The following FAM227B variants were observed in gnomAD, a reference collection of about 807,000 sequenced individuals.
FAM227B encodes the protein family with sequence similarity 227 member B, also known as protein FAM227B.
FAM227B carries 88 observed loss-of-function variants against 73.8 expected under a neutral mutation model. That is an observed-to-expected ratio of 1.19 (90% CI 1.00 to 1.42). The LOEUF (loss-of-function observed/expected upper bound fraction) is 1.42, where lower values mean the gene tolerates loss of function less well. Ranked by LOEUF, FAM227B falls within the 40% of genes most tolerant of loss-of-function variation. FAM227B has a pLI of 0.00. For synonymous variants in FAM227B, 210 were observed against 190.5 expected (o/e 1.10, Z -0.84); for missense variants, 632 against 590.9 (o/e 1.07, Z -0.72).
At chr15:49,605,589 T>A (rs1031609859) in intron 3 of FAM227B, among the ~76,000 whole-genome samples, 2 of 152,018 alleles carry the variant, frequency 1.3e-5, no homozygotes, top group African/African-American at 4.8e-5. Flanking sequence ...GGTTTGGCTT[T>A]AAGCCTAGGT....
chr15:49,549,249 C>T (rs967719444), intron 9 of FAM227B, among the ~76,000 whole-genome samples: 1 of 151,800 alleles, frequency 6.6e-6, no homozygotes, highest in Non-Finnish European at 1.5e-5. Flanking sequence ...TTCTTAATTT[C>T]TTCATGAGGA....
chr15:49,585,862 G>A (rs901482381), intron 5 of FAM227B, among the ~76,000 whole-genome samples: 1 of 151,378 alleles, frequency 6.6e-6, no homozygotes, highest in Non-Finnish European at 1.5e-5. Flanking sequence ...AAATTAAATT[G>A]AAAAGAAATC....
rs550085366 is a variant in FAM227B, at chr15:49,589,696, T to C, written c.337+80A>G. 25 of 885,560 alleles carry C rather than the reference T, an allele frequency of 2.8e-5. No homozygotes were observed. In the East Asian group the frequency reaches 6.3e-4, roughly 22 times the overall value. The allele number at this position is 885,560 out of a possible 1,614,324, so 54.9% of individuals were successfully genotyped here. ...TGGAGGGTGACTCAGGAGGATCACT[T>C]GAGGCCAAGATTTGGAGACCAGCCT... is the stretch of plus-strand genomic sequence containing the variant. On this transcript the variant is annotated intron_variant, in intron 4 of 15. Coordinates refer to ENST00000299338, the MANE Select transcript of FAM227B (RefSeq NM_152647.3).
At chr15:49,570,399 T>C (rs1490390576) in intron 8 of FAM227B, among the ~76,000 whole-genome samples, 1 of 151,892 alleles carries the variant, frequency 6.6e-6, no homozygotes, top group Non-Finnish European at 1.5e-5. Flanking sequence ...CCCTAACGAT[T>C]AGTGATGTTG....
At chr15:49,507,495 A>T (rs1043550667) in intron 11 of FAM227B, among the ~76,000 whole-genome samples, 6 of 152,138 alleles carry the variant, frequency 3.9e-5, no homozygotes, top group African/African-American at 1.4e-4. Context: ...TGATTTAACC[A>T]GTCAGACACG....
intron 11 of FAM227B, among the ~76,000 whole-genome samples, chr15:49,400,581 C>T (rs1486396728): frequency 1.3e-5 from 1 of 74,106 alleles, no homozygotes; most frequent in Non-Finnish European, 2.9e-5. Context: ...GGAGGCATCA[C>T]ACTACCTGAC....
chr15:49,342,238 T>C (rs1174078793), intron 13 of FAM227B, among the ~76,000 whole-genome samples: 1 of 152,236 alleles, frequency 6.6e-6, no homozygotes, highest in African/African-American at 2.4e-5. Flanking sequence ...ATATTTAGGA[T>C]AGTTAAGTTT....
At chr15:49,407,243 G>A (rs2048575281) in intron 11 of FAM227B, among the ~76,000 whole-genome samples, 1 of 152,184 alleles carries the variant, frequency 6.6e-6, no homozygotes, top group Non-Finnish European at 1.5e-5. Context: ...GTCTGTGGTG[G>A]TTTAGGAGTC....
chr15:49,517,668 T>C (rs2059469905), intron 10 of FAM227B, among the ~76,000 whole-genome samples: 1 of 152,308 alleles, frequency 6.6e-6, no homozygotes, highest in East Asian at 1.9e-4. Flanking sequence ...TCAACTTAAC[T>C]TTTTGTAAAT....
intron 8 of FAM227B, among the ~76,000 whole-genome samples, chr15:49,571,926 G>A (rs926143165): frequency 2.6e-5 from 4 of 151,840 alleles, no homozygotes; most frequent in African/African-American, 7.3e-5. Flanking sequence ...TGATTCTGTA[G>A]GTTGCTTTGG....
chr15:49,418,455 A>G (rs1003136354), intron 11 of FAM227B, among the ~76,000 whole-genome samples: 1 of 152,248 alleles, frequency 6.6e-6, no homozygotes, highest in African/African-American at 2.4e-5. Flanking sequence ...TGTGGTACAT[A>G]TAGACTATGG....
At chr15:49,411,028 G>C (rs924681432) in intron 11 of FAM227B, among the ~76,000 whole-genome samples, 14 of 150,730 alleles carry the variant, frequency 9.3e-5, no homozygotes, top group Admixed American at 8.0e-4. Context: ...CAGGGAGAGA[G>C]GGAGTGAAAG....
At chr15:49,330,468 G>A (rs2038458654) in intron 15 of FAM227B, 2 of 152,190 alleles carry the variant, frequency 1.3e-5, no homozygotes, top group Non-Finnish European at 2.9e-5. Flanking sequence ...GGATTACTGA[G>A]TGGTGGAATA....
intron 11 of FAM227B, among the ~76,000 whole-genome samples, chr15:49,452,250 A>T (rs1053130921): frequency 6.6e-6 from 1 of 151,980 alleles, no homozygotes; most frequent in Non-Finnish European, 1.5e-5. Flanking sequence ...CTGGGGTTTC[A>T]CTGTGTTGGC....
intron 2 of FAM227B, among the ~76,000 whole-genome samples, chr15:49,611,603 TA>T (rs1204434580): frequency 6.6e-6 from 1 of 152,218 alleles, no homozygotes; most frequent in Non-Finnish European, 1.5e-5. Context: ...GCCTCTATAA[TA>T]AATCCAGAGC....
At chr15:49,349,038 C>A (rs1367146662) in intron 13 of FAM227B, among the ~76,000 whole-genome samples, 1 of 152,132 alleles carries the variant, frequency 6.6e-6, no homozygotes, top group Admixed American at 6.5e-5. Context: ...CTCCCTGGAA[C>A]CTGATTACCT....
At chr15:49,473,171 C>G (rs369437547) in intron 11 of FAM227B, among the ~76,000 whole-genome samples, 1 of 152,012 alleles carries the variant, frequency 6.6e-6, no homozygotes, top group Non-Finnish European at 1.5e-5. Flanking sequence ...ACAAACATAT[C>G]AAATATGAAT....
chr15:49,551,279 G>A (rs1313228061), intron 9 of FAM227B, among the ~76,000 whole-genome samples: 1 of 152,000 alleles, frequency 6.6e-6, no homozygotes, highest in African/African-American at 2.4e-5. Context: ...GAGGGAGAGG[G>A]AGAGGGAGAG....
chr15:49,526,827 C>A (rs2060240076), intron 10 of FAM227B, among the ~76,000 whole-genome samples: 1 of 151,836 alleles, frequency 6.6e-6, no homozygotes, highest in Non-Finnish European at 1.5e-5. Flanking sequence ...GAATATACAA[C>A]CTCCCATGAT....
Sources: allele counts gnomAD v4.1 joint callset (sites outside exome capture counted in the v4.1 genomes callset), GRCh38; gene constraint gnomAD v4.1.1; transcripts MANE v1.5; gene names NCBI Gene and HGNC (gene_info 2026-07-23, HGNC 2026-07-21).